SCEL: variants seen among roughly 807,000 people sequenced by gnomAD.
SCEL encodes the protein sciellin.
A neutral mutation model predicts 117.6 loss-of-function variants in SCEL; 113 were observed. The ratio of observed to expected loss-of-function variants is 0.96; its 90% CI spans 0.83 to 1.12. The LOEUF is 1.12. SCEL is among the 50% of genes most tolerant of loss of function. SCEL has a pLI of 0.00. For synonymous variants in SCEL, 270 were observed against 256.2 expected (o/e 1.05, Z -0.51); for missense variants, 785 against 810.8 (o/e 0.97, Z 0.39).
At chr13:77,619,053 A>G (rs2089260146) in intron 27 of SCEL, among the ~76,000 whole-genome samples, 1 of 152,332 alleles carries the variant, frequency 6.6e-6, no homozygotes, top group East Asian at 1.9e-4. Flanking sequence ...CAGAAGTCCA[A>G]ATTGCTCTGC....
intron 7 of SCEL, 70 bp from the exon 8 acceptor site, chr13:77,569,301 A>G: frequency 1.6e-6 from 2 of 1,227,314 alleles, no homozygotes; most frequent in African/African-American, 1.5e-5. Flanking sequence ...AGAATTTAAG[A>G]CTTTTCAAAG....
In SCEL at chr13:77,617,925, A is replaced by T; in HGVS notation, c.1571+63A>T. ...CTGTTGCCCTGGATGAAGTGGATTTATAATGTTGCTTTATTGACCTAGCAC... is the reference window on the plus strand; with the variant it reads ...CTGTTGCCCTGGATGAAGTGGATTTTTAATGTTGCTTTATTGACCTAGCAC... On this transcript the variant is annotated intron_variant, in intron 26 of 32. Transcript: ENST00000349847. The T allele has an allele frequency of 3.2e-6, 5 of 1,576,262 alleles. No individual in the cohort carries two copies. In the Admixed American group the frequency reaches 5.0e-5, roughly 16 times the overall value.
intron 1 of SCEL, among the ~76,000 whole-genome samples, chr13:77,540,028 G>C (rs1002796318): frequency 1.3e-5 from 2 of 152,016 alleles, no homozygotes; most frequent in African/African-American, 4.8e-5. Flanking sequence ...TGAGGAAAAC[G>C]GATAGCCACA....
rs200335397 is a variant in SCEL, at chr13:77,628,172, A to G, written c.1691+163A>G. Reference sequence around the variant, plus strand: ...TATGTGTGTATATATATGTGTGTGTATATATATATATATATATATCATCCA... The same window carrying G: ...TATGTGTGTATATATATGTGTGTGTGTATATATATATATATATATCATCCA... On this transcript the variant is annotated intron_variant, in intron 28 of 32. Transcript: ENST00000349847. 4.0e-3 allele frequency among the ~76,000 whole-genome samples: 79 copies of G among 19,840 alleles called. 1 individual carries two copies. Among genetic ancestry groups the G allele is most frequent in the Middle Eastern group, 0.071 (2 of 28 alleles). The allele number at this position is 19,840 out of a possible 152,430, so 13.0% of individuals were successfully genotyped here.
At chr13:77,564,225 C>T (rs2085156393) in intron 5 of SCEL, among the ~76,000 whole-genome samples, 1 of 148,548 alleles carries the variant, frequency 6.7e-6, no homozygotes, top group Non-Finnish European at 1.5e-5. Flanking sequence ...ATGTATAATC[C>T]TTGTTCCAAC....
chr13:77,551,512 A>G (rs1257878927), intron 1 of SCEL, among the ~76,000 whole-genome samples: 1 of 152,152 alleles, frequency 6.6e-6, no homozygotes, highest in Non-Finnish European at 1.5e-5. Context: ...GGCTGGGCAG[A>G]TTTGGATTAC....
chr13:77,568,147 C>T, intron 6 of SCEL, 148 bp from the exon 7 acceptor site: 1 of 610,536 alleles, frequency 1.6e-6, no homozygotes, highest in Non-Finnish European at 2.8e-6. Context: ...ATGAAATCAT[C>T]TTATGAAATT....
chr13:77,559,137 T>C (rs2084831878), intron 3 of SCEL, among the ~76,000 whole-genome samples: 1 of 152,210 alleles, frequency 6.6e-6, no homozygotes, highest in Non-Finnish European at 1.5e-5. Flanking sequence ...CTCTGTTACT[T>C]GCTAACCTTG....
intron 11 of SCEL, among the ~76,000 whole-genome samples, chr13:77,592,281 C>T (rs1402952387): frequency 3.3e-5 from 5 of 152,146 alleles, no homozygotes; most frequent in Non-Finnish European, 7.4e-5. Flanking sequence ...GCTTACAGCA[C>T]CACTCTTGGC....
chr13:77,633,157 C>T (rs1245328442), intron 28 of SCEL, among the ~76,000 whole-genome samples: 1 of 150,390 alleles, frequency 6.6e-6, no homozygotes, highest in Admixed American at 6.6e-5. Flanking sequence ...CAAACACAGG[C>T]CGGGCGCGGT....
Position 77,645,078 on chromosome 13 carries a change from AC to A in SCEL, c.*805del, listed in dbSNP as rs2090727032. Reference sequence around the variant, plus strand: ...AGGTAAAATATGACATGTATAGCTTACATGTTATTATTTGTTAAATTTTCTT... The same window carrying A: ...AGGTAAAATATGACATGTATAGCTTAATGTTATTATTTGTTAAATTTTCTT... On this transcript the variant is annotated 3_prime_UTR_variant, in exon 33 of 33. Transcript: ENST00000349847. 1 of 127,082 alleles carries A rather than the reference AC, an allele frequency of 7.9e-6. No individual in the cohort carries two copies. 7.9% of individuals were successfully genotyped at this position (127,082 alleles called of 1,614,324 possible).
chr13:77,546,723 G>A (rs2084010396), intron 1 of SCEL, among the ~76,000 whole-genome samples: 5 of 151,984 alleles, frequency 3.3e-5, no homozygotes, highest in Admixed American at 3.3e-4. Flanking sequence ...AAACAAACGA[G>A]GCGGTTTATT....
intron 3 of SCEL, 148 bp downstream of exon 3, chr13:77,556,861 C>A: frequency 1.6e-6 from 1 of 633,874 alleles, no homozygotes; most frequent in Non-Finnish European, 2.8e-6. Flanking sequence ...TTAGTAAGCA[C>A]AAATAGGTTA....
intron 13 of SCEL, among the ~76,000 whole-genome samples, chr13:77,598,540 C>A (rs988840060): frequency 3.3e-5 from 5 of 152,160 alleles, no homozygotes; most frequent in African/African-American, 1.2e-4. Flanking sequence ...ACTGTGATAA[C>A]TGCGGCCAAA....
chr13:77,561,757 G>A (rs2084990900), intron 4 of SCEL, among the ~76,000 whole-genome samples: 2 of 152,196 alleles, frequency 1.3e-5, no homozygotes, highest in African/African-American at 4.8e-5. Flanking sequence ...AAAGAGGGGA[G>A]ACTAACTCTG....
chr13:77,566,712 C>G (rs2085310834), intron 5 of SCEL, among the ~76,000 whole-genome samples: 1 of 152,162 alleles, frequency 6.6e-6, no homozygotes, highest in South Asian at 2.1e-4. Context: ...TTGCTGGAGT[C>G]CATGAAGTGA....
intron 12 of SCEL, among the ~76,000 whole-genome samples, chr13:77,594,003 T>C: frequency 4.0e-5 from 1 of 25,140 alleles, no homozygotes. Flanking sequence ...AATTCTTGAT[T>C]CTTCCTTCTC....
chr13:77,582,202 T>C (rs2086300169), intron 9 of SCEL, among the ~76,000 whole-genome samples: 1 of 152,186 alleles, frequency 6.6e-6, no homozygotes, highest in Non-Finnish European at 1.5e-5. Flanking sequence ...TTGTTTGTCA[T>C]CTGTGTATCT....
chr13:77,609,211 A>T (rs76209711), intron 21 of SCEL, 94 bp downstream of exon 21: 2 of 1,025,354 alleles, frequency 2.0e-6, no homozygotes, highest in African/African-American at 3.3e-5. Flanking sequence ...GCTGAACCCA[A>T]TGATCCTTCA....
Sources: gnomAD v4.1 joint callset for allele counts (sites outside exome capture counted in the v4.1 genomes callset) on GRCh38, gnomAD v4.1.1 for gene constraint, MANE v1.5 for transcripts, NCBI Gene and HGNC (gene_info 2026-07-23, HGNC 2026-07-21) for gene names.